The following VPS13B variants were observed in gnomAD, a reference collection of about 807,000 sequenced individuals.
VPS13B encodes the protein vacuolar protein sorting 13 homolog B.
Under a neutral mutation model 426.4 loss-of-function variants are expected in VPS13B, and 285 were observed. The ratio of observed to expected loss-of-function variants is 0.67; its 90% CI spans 0.61 to 0.74. VPS13B has a LOEUF of 0.74. VPS13B is among the 30% of genes least tolerant of loss of function. The pLI is 0.00. For missense variants in VPS13B, 4,537 were observed against 4,782.6 expected (o/e 0.95, Z 1.51); for synonymous variants, 1,676 against 1,676.4 (o/e 1.00, Z 0.01).
chr8:99,455,439 C>T (rs1362870558), intron 23 of VPS13B, among the ~76,000 whole-genome samples: 1 of 152,098 alleles, frequency 6.6e-6, no homozygotes, highest in Non-Finnish European at 1.5e-5. Flanking sequence ...CAGCACTTCA[C>T]ATGGCTGGAG....
chr8:99,371,367 G>A (rs1159977848), intron 19 of VPS13B, among the ~76,000 whole-genome samples: 1 of 152,102 alleles, frequency 6.6e-6, no homozygotes, highest in Middle Eastern at 3.2e-3. Context: ...GCTTGTTTTT[G>A]TTGGGTTTGT....
At chr8:99,327,046 G>A (rs560882971) in intron 19 of VPS13B, among the ~76,000 whole-genome samples, 27 of 152,186 alleles carry the variant, frequency 1.8e-4, no homozygotes, top group Middle Eastern at 3.4e-3. Flanking sequence ...ACAAAGATTC[G>A]TTTATGAGTT....
At chr8:99,657,937 C>T (rs1206054348) in intron 34 of VPS13B, among the ~76,000 whole-genome samples, 1 of 152,164 alleles carries the variant, frequency 6.6e-6, no homozygotes, top group African/African-American at 2.4e-5. Context: ...TGTTTCTTCT[C>T]CTTCTCCCCC....
At chr8:99,590,613 C>G (rs193087837) in intron 33 of VPS13B, among the ~76,000 whole-genome samples, 1 of 152,260 alleles carries the variant, frequency 6.6e-6, no homozygotes, top group African/African-American at 2.4e-5. Context: ...CATTCAGGAG[C>G]AAGTTGTTCA....
At chr8:99,838,394 T>C (rs1301228416) in intron 54 of VPS13B, among the ~76,000 whole-genome samples, 2 of 152,232 alleles carry the variant, frequency 1.3e-5, no homozygotes, top group Non-Finnish European at 2.9e-5. Context: ...TCATAGTGTA[T>C]AGGATTTTAA....
intron 25 of VPS13B, among the ~76,000 whole-genome samples, chr8:99,496,408 T>C (rs1253645883): frequency 1.3e-5 from 2 of 152,128 alleles, no homozygotes; most frequent in African/African-American, 4.8e-5. Flanking sequence ...TCCCAGCACT[T>C]TGGGAGGCTG....
rs1177289789 is a variant in VPS13B at position 99,621,836 on chromosome 8, T to C, written c.5221-19975T>C. The stretch of plus-strand genomic sequence containing the variant: ...GTTTTGTTTCTTTTTTTTTTTTTTT[T>C]TTTTTTTTGAGACAGAGTCTCGCTC... On this transcript the variant is annotated intron_variant, in intron 33 of 61. Coordinates refer to ENST00000357162, the MANE Select transcript of VPS13B (RefSeq NM_152564.5). Among the ~76,000 whole-genome samples the C allele has an allele frequency of 3.6e-5, 5 of 138,302 alleles. No homozygotes were observed. In the South Asian group the frequency reaches 7.4e-4, roughly 20 times the overall value. The allele number at this position is 138,302 out of a possible 152,430, so 90.7% of individuals were successfully genotyped here.
chr8:99,511,565 C>T lies in VPS13B; in HGVS notation c.4633+53C>T, dbSNP rs117661187. 74,294 of 1,555,848 alleles carry T rather than the reference C, an allele frequency of 0.048. 2,002 individuals are homozygous for T. The highest frequency in any genetic ancestry group is 0.054 in the South Asian group (4,481 of 82,442). The stretch of plus-strand genomic sequence containing the variant: ...ATTTTAAATAATTTTCTTCTAGAGA[C>T]CTTAGTTTTCTGGGTTTTTTTGTTT... On this transcript the variant is annotated intron_variant, in intron 29 of 61. Transcript: ENST00000357162.
At chr8:99,652,910 G>A (rs1829879343) in intron 34 of VPS13B, among the ~76,000 whole-genome samples, 1 of 152,070 alleles carries the variant, frequency 6.6e-6, no homozygotes, top group Non-Finnish European at 1.5e-5. Context: ...TAAATGAGAG[G>A]CATTCTAGTG....
At position 99,593,833 on chromosome 8, in the gene VPS13B, C is replaced by T. The variant is rs191550849; in HGVS notation, c.5220+16200C>T. On this transcript the variant is annotated intron_variant, in intron 33 of 61. Transcript: ENST00000357162. ...TAGAAAACCAAACACCACATGTTCT[C>T]ACTTATCAGTGGGAGCTGAATGATG... 7.9e-5 allele frequency among the ~76,000 whole-genome samples: 12 copies of T among 152,154 alleles called. No individual in the cohort carries two copies. The East Asian group carries it at 2.3e-3, about 29-fold the overall frequency.
At chr8:99,077,140 C>A (rs1201506413) in intron 3 of VPS13B, among the ~76,000 whole-genome samples, 1 of 152,018 alleles carries the variant, frequency 6.6e-6, no homozygotes, top group Non-Finnish European at 1.5e-5. Context: ...TGAATTCCCT[C>A]AGTTTTTCCT....
intron 33 of VPS13B, among the ~76,000 whole-genome samples, chr8:99,579,291 A>G (rs1193321797): frequency 6.6e-6 from 1 of 152,248 alleles, no homozygotes; most frequent in African/African-American, 2.4e-5. Context: ...GTCTATGAAT[A>G]TAAAGACATT....
intron 39 of VPS13B, among the ~76,000 whole-genome samples, chr8:99,758,350 GT>G (rs1810746702): frequency 6.6e-6 from 1 of 152,166 alleles, no homozygotes; most frequent in African/African-American, 2.4e-5. Flanking sequence ...TTAATGCAAA[GT>G]TTGTTAAAAA....
chr8:99,173,180 AAAT>A (rs1000244389), intron 16 of VPS13B, among the ~76,000 whole-genome samples: 3 of 152,102 alleles, frequency 2.0e-5, no homozygotes, highest in African/African-American at 7.2e-5. Context: ...TGCAGGGGAA[AAAT>A]GCTTCTGTGA....
At chr8:99,865,552 G>C (rs1024889911) in intron 58 of VPS13B, among the ~76,000 whole-genome samples, 1 of 152,204 alleles carries the variant, frequency 6.6e-6, no homozygotes, top group Admixed American at 6.5e-5. Flanking sequence ...CATCCCAAGA[G>C]ACAGCCCTTA....
intron 19 of VPS13B, among the ~76,000 whole-genome samples, chr8:99,342,913 T>G (rs1333304510): frequency 1.3e-5 from 2 of 152,194 alleles, no homozygotes; most frequent in Admixed American, 6.5e-5. Context: ...ACCTGTCATC[T>G]TTCATCTTTT....
chr8:99,658,748 C>T (rs1030845237), intron 34 of VPS13B, among the ~76,000 whole-genome samples: 1 of 152,160 alleles, frequency 6.6e-6, no homozygotes, highest in Non-Finnish European at 1.5e-5. Context: ...GAGAGTGGAC[C>T]TCTCATCACA....
intron 61 of VPS13B, among the ~76,000 whole-genome samples, 163 bp downstream of exon 61, chr8:99,871,860 C>T (rs917373176): frequency 2.0e-5 from 3 of 151,878 alleles, no homozygotes; most frequent in East Asian, 3.9e-4. Context: ...GCCGGAGGGC[C>T]GCTGCGAAAG....
At chr8:99,020,270 A>T (rs1454533002) in intron 2 of VPS13B, among the ~76,000 whole-genome samples, 1 of 151,910 alleles carries the variant, frequency 6.6e-6, no homozygotes, top group African/African-American at 2.4e-5. Flanking sequence ...CTTATTAGCT[A>T]TGTTTGTCTT....
Sources: gnomAD v4.1 joint callset for allele counts (sites outside exome capture counted in the v4.1 genomes callset) on GRCh38, gnomAD v4.1.1 for gene constraint, MANE v1.5 for transcripts, NCBI Gene and HGNC (gene_info 2026-07-23, HGNC 2026-07-21) for gene names.